WWOX: variants seen among roughly 807,000 people sequenced by gnomAD.
WWOX encodes WW domain-containing oxidoreductase.
In WWOX, 69 loss-of-function variants were observed where a neutral mutation model predicts 46.2. The observed-to-expected ratio is 1.49, with a 90% CI of 1.23 to 1.82. The LOEUF is 1.82. Among genes scored for constraint, WWOX ranks in the 40% most tolerant of loss-of-function variants. The pLI is 0.00. For synonymous variants in WWOX, 359 were observed against 202.6 expected (o/e 1.77, Z -6.56); for missense variants, 919 against 542.6 (o/e 1.69, Z -6.89).
rs576750686 is a variant in WWOX at position 78,915,338 on chromosome 16, G to A, written c.1057-296270G>A. 2.6e-5 allele frequency among the ~76,000 whole-genome samples: 4 copies of A among 152,316 alleles called. No individual in the cohort carries two copies. In the East Asian group the frequency reaches 7.7e-4, roughly 29 times the overall value. Reference sequence around the variant, plus strand: ...ATTCCATAAGAAGTAAATGCTGTGTGTCTGCGATTCAAAAGACCCCTTTCA... The same window carrying A: ...ATTCCATAAGAAGTAAATGCTGTGTATCTGCGATTCAAAAGACCCCTTTCA... On this transcript the variant is annotated intron_variant, in intron 8 of 8. Transcript: ENST00000566780.
chr16:78,132,521 G>A (rs559322275), intron 4 of WWOX, among the ~76,000 whole-genome samples: 4 of 152,234 alleles, frequency 2.6e-5, no homozygotes, highest in South Asian at 2.1e-4. Context: ...TTGTTAATAC[G>A]TATGCGGCCA....
chr16:79,168,448 A>C (rs1033364618), intron 8 of WWOX, among the ~76,000 whole-genome samples: 1 of 152,148 alleles, frequency 6.6e-6, no homozygotes, highest in Non-Finnish European at 1.5e-5. Context: ...AACTATAATC[A>C]ACCCCCAGGG....
intron 5 of WWOX, among the ~76,000 whole-genome samples, chr16:78,168,668 AG>A (rs1369104271): frequency 6.6e-6 from 1 of 152,136 alleles, no homozygotes; most frequent in Non-Finnish European, 1.5e-5. Context: ...CTGCGGTTTG[AG>A]TGATTAATTT....
At chr16:78,443,921 A>G (rs2083501357) in intron 8 of WWOX, among the ~76,000 whole-genome samples, 1 of 152,168 alleles carries the variant, frequency 6.6e-6, no homozygotes, top group South Asian at 2.1e-4. Flanking sequence ...GGCCAGCGTG[A>G]TTAAACCGAG....
intron 8 of WWOX, among the ~76,000 whole-genome samples, chr16:78,546,457 C>G (rs1239656977): frequency 4.6e-5 from 7 of 152,160 alleles, no homozygotes; most frequent in African/African-American, 1.7e-4. Flanking sequence ...ATACTGGACC[C>G]AGAGTTTCAT....
chr16:78,543,291 G>A (rs2043943131), intron 8 of WWOX, among the ~76,000 whole-genome samples: 1 of 150,454 alleles, frequency 6.6e-6, no homozygotes, highest in East Asian at 2.0e-4. Context: ...CTACTGGCTA[G>A]GCCAGTCACG....
intron 8 of WWOX, among the ~76,000 whole-genome samples, chr16:78,959,119 T>G (rs2046224959): frequency 6.6e-6 from 1 of 152,234 alleles, no homozygotes; most frequent in Non-Finnish European, 1.5e-5. Flanking sequence ...TTAGAATGTT[T>G]ATCCGAACTT....
chr16:78,355,850 C>G (rs7200862), intron 5 of WWOX: 4 of 653,608 alleles, frequency 6.1e-6, no homozygotes, highest in Admixed American at 5.9e-5. Flanking sequence ...AGAATTTGTC[C>G]TGTACGGAAA....
rs1339612278 is a variant in WWOX, at chr16:79,024,881, A to G, written c.1057-186727A>G. Among the ~76,000 whole-genome samples the G allele has an allele frequency of 2.6e-5, 4 of 152,320 alleles. No homozygotes were observed. In the East Asian group the frequency reaches 5.8e-4, roughly 22 times the overall value. On this transcript the variant is annotated intron_variant, in intron 8 of 8. Transcript: ENST00000566780. Reference sequence around the variant, plus strand: ...CACCACACCTGGCCGCTGGAAATACATTTCTAAAGAGGAATGGGAGTCAGG... The same window carrying G: ...CACCACACCTGGCCGCTGGAAATACGTTTCTAAAGAGGAATGGGAGTCAGG...
intron 5 of WWOX, among the ~76,000 whole-genome samples, chr16:78,357,409 C>A (rs999004154): frequency 6.6e-6 from 1 of 152,118 alleles, no homozygotes; most frequent in Non-Finnish European, 1.5e-5. Flanking sequence ...ACTTCTCTTT[C>A]CAGTGGTGTT....
Position 78,144,471 on chromosome 16 carries a change from A to ATATATATATATATATATATG in WWOX, c.410-19696_410-19695insTATGTATATATATATATATA, listed in dbSNP as rs2034115336. Among the ~76,000 whole-genome samples the ATATATATATATATATATATG allele has an allele frequency of 8.0e-4, 27 of 33,574 alleles. 1 individual carries two copies. Among genetic ancestry groups the ATATATATATATATATATATG allele is most frequent in the South Asian group, 1.8e-3 (2 of 1,086 alleles). The allele number at this position is 33,574 out of a possible 152,430, so 22.0% of individuals were successfully genotyped here. A position where few individuals can be genotyped will look rare whatever the true frequency, so the allele number is the denominator to read the frequency against. On this transcript the variant is annotated intron_variant, in intron 4 of 8. Transcript: ENST00000566780. Reference sequence around the variant, plus strand: ...TACACATATATATATATACACACATATATATATATATATATACACACACAC... The same window carrying ATATATATATATATATATATG: ...TACACATATATATATATACACACATATATATATATATATATATATGTATATATATATATATACACACACAC...
chr16:78,408,474 C>T (rs940875195), intron 6 of WWOX, among the ~76,000 whole-genome samples: 1 of 152,178 alleles, frequency 6.6e-6, no homozygotes, highest in African/African-American at 2.4e-5. Flanking sequence ...AATTCGGCTC[C>T]ACTCACTCTC....
intron 8 of WWOX, among the ~76,000 whole-genome samples, chr16:79,014,321 C>T (rs115997401): frequency 2.4e-3 from 362 of 152,286 alleles, no homozygotes; most frequent in African/African-American, 8.3e-3. Context: ...TGGGGTGGTT[C>T]TGCTGGCAGT....
chr16:78,658,908 A>G (rs2047142897), intron 8 of WWOX, among the ~76,000 whole-genome samples: 1 of 149,646 alleles, frequency 6.7e-6, no homozygotes, highest in Admixed American at 6.7e-5. Flanking sequence ...CCTGGCCAAA[A>G]TGGCAAAACC....
chr16:78,443,745 G>A (rs2083497559), intron 8 of WWOX, among the ~76,000 whole-genome samples: 1 of 152,058 alleles, frequency 6.6e-6, no homozygotes, highest in African/African-American at 2.4e-5. Context: ...TTGGCATTTT[G>A]GTAATGTGCT....
chr16:78,178,615 C>G (rs2035426359), intron 5 of WWOX, among the ~76,000 whole-genome samples: 1 of 152,146 alleles, frequency 6.6e-6, no homozygotes, highest in East Asian at 1.9e-4. Context: ...CCTGTAATCC[C>G]AGCACTTTGG....
intron 8 of WWOX, among the ~76,000 whole-genome samples, chr16:78,765,037 C>G (rs2049895138): frequency 6.6e-6 from 1 of 152,146 alleles, no homozygotes. Context: ...AGATCCCTGC[C>G]CAACAGGACA....
At chr16:78,863,462 C>G (rs984438835) in intron 8 of WWOX, among the ~76,000 whole-genome samples, 2 of 152,144 alleles carry the variant, frequency 1.3e-5, no homozygotes, top group South Asian at 4.1e-4. Flanking sequence ...GAAGAGGGTA[C>G]TTGTCTTTCA....
chr16:79,161,438 G>T (rs2050484708), intron 8 of WWOX, among the ~76,000 whole-genome samples: 1 of 152,286 alleles, frequency 6.6e-6, no homozygotes, highest in East Asian at 1.9e-4. Flanking sequence ...ACTGACTAAA[G>T]AGAGAGGAGG....
Sources: allele counts gnomAD v4.1 joint callset (sites outside exome capture counted in the v4.1 genomes callset), GRCh38; gene constraint gnomAD v4.1.1; transcripts MANE v1.5; gene names NCBI Gene and HGNC (gene_info 2026-07-23, HGNC 2026-07-21).